NMNAT2: variants seen among roughly 807,000 people sequenced by gnomAD.
NMNAT2 encodes the protein nicotinamide nucleotide adenylyltransferase 2, also known as nicotinamide/nicotinic acid mononucleotide adenylyltransferase 2.
In NMNAT2, 11 loss-of-function variants were observed where a neutral mutation model predicts 41.6. The ratio of observed to expected loss-of-function variants is 0.26; its 90% confidence interval spans 0.17 to 0.44. NMNAT2 has a LOEUF of 0.44. Among genes scored for constraint, NMNAT2 ranks in the 20% least tolerant of loss-of-function variants. NMNAT2 has a pLI of 1.00. For synonymous variants in NMNAT2, 148 were observed against 151.2 expected (o/e 0.98, Z 0.16); for missense variants, 288 against 407.7 (o/e 0.71, Z 2.53).
At chr1:183,269,425 T>C (rs1290515627) in intron 8 of NMNAT2, among the ~76,000 whole-genome samples, 1 of 152,228 alleles carries the variant, frequency 6.6e-6, no homozygotes, top group Non-Finnish European at 1.5e-5. Flanking sequence ...GGATTTGCCC[T>C]GGCAGGCTTA....
At chr1:183,297,556 A>G (rs1256725181) in intron 1 of NMNAT2, among the ~76,000 whole-genome samples, 1 of 152,012 alleles carries the variant, frequency 6.6e-6, no homozygotes, top group African/African-American at 2.4e-5. Context: ...CTAATTTTGT[A>G]TTTTTAGTAG....
chr1:183,276,751 T>G (rs1237662111), intron 8 of NMNAT2, among the ~76,000 whole-genome samples: 1 of 152,274 alleles, frequency 6.6e-6, no homozygotes, highest in African/African-American at 2.4e-5. Context: ...GAAAGAGCTT[T>G]GATGAGCTCT....
At chr1:183,404,368 G>T (rs1648897196) in intron 1 of NMNAT2, among the ~76,000 whole-genome samples, 1 of 152,192 alleles carries the variant, frequency 6.6e-6, no homozygotes, top group South Asian at 2.1e-4. Flanking sequence ...GGGATTACAG[G>T]CGTGAGCCAC....
chr1:183,360,337 AC>A (rs540056512), intron 1 of NMNAT2, among the ~76,000 whole-genome samples: 175 of 152,220 alleles, frequency 1.1e-3, no homozygotes, highest in African/African-American at 4.1e-3. Flanking sequence ...TGCACAGCCT[AC>A]CTACACCCCC....
intron 1 of NMNAT2, among the ~76,000 whole-genome samples, chr1:183,370,725 C>T (rs1016783352): frequency 6.6e-6 from 1 of 152,192 alleles, no homozygotes; most frequent in African/African-American, 2.4e-5. Context: ...AATATGCATG[C>T]CTCTTGTATC....
intron 1 of NMNAT2, among the ~76,000 whole-genome samples, chr1:183,407,766 C>T (rs538318604): frequency 2.0e-5 from 3 of 152,244 alleles, no homozygotes; most frequent in South Asian, 4.1e-4. Context: ...TGCAAGAGCA[C>T]GCCTGATGCA....
At chr1:183,356,610 C>T (rs1027801013) in intron 1 of NMNAT2, among the ~76,000 whole-genome samples, 4 of 152,200 alleles carry the variant, frequency 2.6e-5, no homozygotes, top group Non-Finnish European at 4.4e-5. Flanking sequence ...ATCCTAGTAA[C>T]GTCATGCCAG....
intron 1 of NMNAT2, among the ~76,000 whole-genome samples, chr1:183,339,414 T>C (rs549756073): frequency 3.3e-5 from 5 of 152,232 alleles, no homozygotes; most frequent in Middle Eastern, 3.4e-3. Context: ...CATTTTTAAG[T>C]CCTCAGGGAT....
chr1:183,397,930 C>CA (rs1648697860), intron 1 of NMNAT2, among the ~76,000 whole-genome samples: 1 of 152,182 alleles, frequency 6.6e-6, no homozygotes, highest in Non-Finnish European at 1.5e-5. Context: ...TGGAAAGGAA[C>CA]AACTGATACC....
intron 1 of NMNAT2, among the ~76,000 whole-genome samples, chr1:183,342,542 G>T (rs1013493062): frequency 6.6e-6 from 1 of 151,968 alleles, no homozygotes; most frequent in Admixed American, 6.6e-5. Flanking sequence ...CCAGGATTTT[G>T]TCCTCCACTC....
intron 1 of NMNAT2, among the ~76,000 whole-genome samples, chr1:183,338,266 A>G (rs912810729): frequency 2.3e-5 from 3 of 129,754 alleles, no homozygotes; most frequent in African/African-American, 8.6e-5. Flanking sequence ...CAGATGAATC[A>G]GGGTGCATCT....
intron 1 of NMNAT2, among the ~76,000 whole-genome samples, chr1:183,301,162 A>G (rs1374026670): frequency 6.6e-6 from 1 of 152,256 alleles, no homozygotes; most frequent in Non-Finnish European, 1.5e-5. Context: ...ATTTTGCACT[A>G]GAGGAGGCCA....
chr1:183,317,353 T>C (rs970777854), intron 1 of NMNAT2, among the ~76,000 whole-genome samples: 5 of 152,248 alleles, frequency 3.3e-5, no homozygotes, highest in African/African-American at 1.2e-4. Context: ...CTGGCTCAAG[T>C]GATCCTGCTG....
intron 10 of NMNAT2, among the ~76,000 whole-genome samples, chr1:183,255,670 T>G (rs1028342604): frequency 6.8e-6 from 1 of 147,060 alleles, no homozygotes; most frequent in African/African-American, 2.7e-5. Context: ...GGGTTTTTTT[T>G]TTTTTTTTTT....
At chr1:183,330,558 A>G (rs1662560581) in intron 1 of NMNAT2, among the ~76,000 whole-genome samples, 1 of 152,086 alleles carries the variant, frequency 6.6e-6, no homozygotes, top group African/African-American at 2.4e-5. Flanking sequence ...ACTAGGTGAG[A>G]ACATTGTTGG....
At chr1:183,379,389 C>T (rs1663754672) in intron 1 of NMNAT2, among the ~76,000 whole-genome samples, 1 of 151,908 alleles carries the variant, frequency 6.6e-6, no homozygotes, top group Admixed American at 6.6e-5. Context: ...CTATGTTGCC[C>T]AGGCTGGTCT....
At chr1:183,313,690 T>C (rs1398276904) in intron 1 of NMNAT2, among the ~76,000 whole-genome samples, 1 of 152,246 alleles carries the variant, frequency 6.6e-6, no homozygotes, top group African/African-American at 2.4e-5. Flanking sequence ...TTCACCATGT[T>C]GGCCAGGCTG....
intron 1 of NMNAT2, among the ~76,000 whole-genome samples, chr1:183,404,353 G>A (rs1354060129): frequency 2.0e-5 from 3 of 152,186 alleles, no homozygotes; most frequent in Non-Finnish European, 2.9e-5. Flanking sequence ...GCCTCCCAAA[G>A]TGCTGGGATT....
At chr1:183,304,005 A>C (rs372455512) in intron 1 of NMNAT2, among the ~76,000 whole-genome samples, 1 of 152,262 alleles carries the variant, frequency 6.6e-6, no homozygotes, top group African/African-American at 2.4e-5. Context: ...ACACCAGCAC[A>C]ATGCCCTCTC....
Sources: allele counts gnomAD v4.1 joint callset (sites outside exome capture counted in the v4.1 genomes callset), GRCh38; gene constraint gnomAD v4.1.1; transcripts MANE v1.5; gene names NCBI Gene and HGNC (gene_info 2026-07-23, HGNC 2026-07-21).